The following REEP1 variants were observed in gnomAD, a reference collection of about 807,000 sequenced individuals.
The protein encoded by REEP1 is receptor accessory protein 1, also known as receptor expression-enhancing protein 1.
A neutral mutation model predicts 40.3 loss-of-function variants in REEP1; 22 were observed. That is an observed-to-expected ratio of 0.55 (90% CI 0.39 to 0.78). The LOEUF (loss-of-function observed/expected upper bound fraction) is 0.78. REEP1 is among the 30% of genes least tolerant of loss of function. REEP1 has a pLI of 0.00. For synonymous variants in REEP1, 116 were observed against 139.2 expected, an observed-to-expected ratio of 0.83 and a Z score of 1.17; for missense variants, 280 against 361.1, an observed-to-expected ratio of 0.78 and a Z score of 1.82.
intron 2 of REEP1, among the ~76,000 whole-genome samples, chr2:86,274,933 G>A (rs755078990): frequency 7.2e-4 from 109 of 152,114 alleles, no homozygotes; most frequent in Non-Finnish European, 1.5e-3. Flanking sequence ...AAATTCCCTG[G>A]TCCATTCTAC....
intron 1 of REEP1, among the ~76,000 whole-genome samples, chr2:86,322,315 G>T (rs1342095634): frequency 1.3e-5 from 2 of 152,106 alleles, no homozygotes; most frequent in African/African-American, 4.8e-5. Flanking sequence ...AGGCCGAGGT[G>T]GGGGGATTGC....
At chr2:86,242,977 C>CG (rs1675744674) in intron 5 of REEP1, among the ~76,000 whole-genome samples, 3 of 151,854 alleles carry the variant, frequency 2.0e-5, no homozygotes, top group Admixed American at 2.0e-4. Context: ...GTGGGACACA[C>CG]GGAAGGGCAG....
At chr2:86,277,660 G>T (rs1396771570) in intron 2 of REEP1, among the ~76,000 whole-genome samples, 3 of 152,086 alleles carry the variant, frequency 2.0e-5, no homozygotes, top group East Asian at 1.9e-4. Flanking sequence ...CCCATCACAG[G>T]ATGAGGAACA....
At chr2:86,308,727 C>G (rs1401862347) in intron 1 of REEP1, among the ~76,000 whole-genome samples, 1 of 152,234 alleles carries the variant, frequency 6.6e-6, no homozygotes, top group Non-Finnish European at 1.5e-5. Context: ...CTCAGCCTCT[C>G]TGCTCTTCTG....
intron 1 of REEP1, among the ~76,000 whole-genome samples, chr2:86,299,323 G>A (rs2104452452): frequency 6.6e-6 from 1 of 152,276 alleles, no homozygotes; most frequent in Admixed American, 6.5e-5. Flanking sequence ...TTTGTTGTGA[G>A]GGGCTGTCCT....
At chr2:86,295,669 A>G (rs1678942784) in intron 1 of REEP1, among the ~76,000 whole-genome samples, 1 of 152,106 alleles carries the variant, frequency 6.6e-6, no homozygotes, top group Non-Finnish European at 1.5e-5. Context: ...CCTCCCGAGT[A>G]GCTGGGACTA....
intron 1 of REEP1, among the ~76,000 whole-genome samples, chr2:86,304,395 C>T (rs541235864): frequency 4.3e-4 from 65 of 152,230 alleles, no homozygotes; most frequent in African/African-American, 1.5e-3. Context: ...TTCAGCTGCC[C>T]GAACTCTGTT....
At chr2:86,250,053 A>T (rs1676184795) in intron 5 of REEP1, among the ~76,000 whole-genome samples, 1 of 152,164 alleles carries the variant, frequency 6.6e-6, no homozygotes, top group Non-Finnish European at 1.5e-5. Context: ...TTCAGCTGCT[A>T]TAAGGTGCCT....
intron 1 of REEP1, among the ~76,000 whole-genome samples, chr2:86,311,973 CAT>C (rs1305872467): frequency 1.3e-5 from 2 of 152,132 alleles, no homozygotes; most frequent in Non-Finnish European, 2.9e-5. Flanking sequence ...CTGATTTGCA[CAT>C]GTGTGGTTCA....
intron 1 of REEP1, among the ~76,000 whole-genome samples, chr2:86,333,827 T>TA (rs1237410080): frequency 6.6e-6 from 1 of 152,220 alleles, no homozygotes; most frequent in Non-Finnish European, 1.5e-5. Flanking sequence ...CCCATGAAGG[T>TA]ATCAACCTGG....
intron 4 of REEP1, 85 bp downstream of exon 4, chr2:86,254,609 C>A (rs1270906736): frequency 1.4e-6 from 2 of 1,453,296 alleles, no homozygotes; most frequent in African/African-American, 2.8e-5. Flanking sequence ...AATGAGAAGT[C>A]TCCTGCAATA....
At position 86,215,425 on chromosome 2, in the gene REEP1, C is replaced by T. The variant is rs3731817; in HGVS notation, c.*1614G>A. 3.3e-3 allele frequency: 501 copies of T among 152,494 alleles called. 12 individuals are homozygous for T. In the East Asian group the frequency reaches 0.065, roughly 20 times the overall value. 9.4% of individuals were successfully genotyped at this position (152,494 alleles called of 1,614,324 possible). A position where few individuals can be genotyped will look rare whatever the true frequency, so the allele number is the denominator to read the frequency against. On this transcript the variant is annotated 3_prime_UTR_variant, in exon 9 of 9. Coordinates refer to ENST00000538924, the MANE Select transcript of REEP1 (RefSeq NM_001371279.1). ...AGCAAAGGCCTCTAATATGTGTTTG[C>T]GTAGTAATGGAACAGTTTTTAATTG...
intron 5 of REEP1, among the ~76,000 whole-genome samples, chr2:86,243,459 G>A (rs781536122): frequency 6.6e-6 from 1 of 152,152 alleles, no homozygotes. Flanking sequence ...AAGTAATGTC[G>A]GACCGCCAAC....
chr2:86,218,920 C>T (rs192855627), intron 8 of REEP1, among the ~76,000 whole-genome samples: 207 of 152,344 alleles, frequency 1.4e-3, no homozygotes, highest in African/African-American at 4.7e-3. Context: ...AGGGTCTGTA[C>T]GGAGACTTCC....
At chr2:86,311,711 C>T (rs972721963) in intron 1 of REEP1, among the ~76,000 whole-genome samples, 6 of 152,174 alleles carry the variant, frequency 3.9e-5, no homozygotes, top group Non-Finnish European at 8.8e-5. Context: ...TTTGCAAAGA[C>T]TCTATTTCCA....
chr2:86,228,889 C>T (rs1674865977), intron 6 of REEP1, among the ~76,000 whole-genome samples: 1 of 152,172 alleles, frequency 6.6e-6, no homozygotes, highest in African/African-American at 2.4e-5. Flanking sequence ...ATATAAACTC[C>T]GTATTGTTAC....
intron 3 of REEP1, among the ~76,000 whole-genome samples, chr2:86,259,273 A>G (rs1239701239): frequency 6.6e-6 from 1 of 152,084 alleles, no homozygotes; most frequent in East Asian, 1.9e-4. Flanking sequence ...TAAAAAAAAA[A>G]ACAGTGGTAC....
chr2:86,319,593 G>A (rs576455157), intron 1 of REEP1, among the ~76,000 whole-genome samples: 1 of 152,248 alleles, frequency 6.6e-6, no homozygotes, highest in Non-Finnish European at 1.5e-5. Context: ...TACTTGGGAG[G>A]CTGAGGCATG....
chr2:86,248,146 A>G (rs115232903), intron 5 of REEP1, among the ~76,000 whole-genome samples: 1,701 of 152,296 alleles, frequency 0.011, 34 homozygotes, highest in African/African-American at 0.039. Flanking sequence ...CCTCCATTTA[A>G]TCTGTCAGAA....
Sources: gnomAD v4.1 joint callset for allele counts (sites outside exome capture counted in the v4.1 genomes callset) on GRCh38, gnomAD v4.1.1 for gene constraint, MANE v1.5 for transcripts, NCBI Gene and HGNC (gene_info 2026-07-23, HGNC 2026-07-21) for gene names.